The following SGK1 variants were observed in gnomAD, a reference collection of about 807,000 sequenced individuals.
SGK1 encodes the protein serine/threonine-protein kinase Sgk1.
A neutral mutation model predicts 64.2 loss-of-function variants in SGK1; 26 were observed. The ratio of observed to expected loss-of-function variants is 0.40; its 90% CI spans 0.30 to 0.56. The LOEUF is 0.56. Ranked by LOEUF, SGK1 falls within the 20% of genes least tolerant of loss-of-function variation. The pLI is 0.38. For missense variants in SGK1, 519 were observed against 645.6 expected (o/e 0.80, Z 2.12); for synonymous variants, 265 against 239.7 (o/e 1.11, Z -0.98).
At chr6:134,170,752 TC>T (rs1468490799) in intron 13 of SGK1, 73 bp downstream of exon 13, 16 of 998,290 alleles carry the variant, frequency 1.6e-5, no homozygotes, top group Non-Finnish European at 2.3e-5. Context: ...CTTCCAACCC[TC>T]CCCCAGACAA....
In SGK1 at chr6:134,262,034, A is replaced by G; in HGVS notation, c.184T>C (p.Ser62Pro). The stretch of plus-strand genomic sequence containing the variant: ...CCCAGGCATGTTTGACACAAGGAAG[A>G]CTCGAAGTCTGGCTCCCCTGGAGGG... ...HIPPGEPDFE[S>P]SLCQTCLGEH... Residue 62 changes from serine to proline, a missense_variant, in exon 2 of 14, where the codon TCT (serine) becomes CCT (proline). Around this residue, in one of 2 missense-constraint regions of SGK1, gnomAD observed 241 missense variants for 236.9 expected, o/e 1.02. Coordinates refer to ENST00000367858, the MANE Select transcript of SGK1 (RefSeq NM_001143676.3). 1 of 1,613,880 alleles carries G rather than the reference A, an allele frequency of 6.2e-7. No homozygotes were observed. Among genetic ancestry groups the G allele is most frequent in the Middle Eastern group, 1.7e-4 (1 of 6,058 alleles).
At chr6:134,302,918 C>T (rs1029242476) in intron 1 of SGK1, among the ~76,000 whole-genome samples, 23 of 151,922 alleles carry the variant, frequency 1.5e-4, no homozygotes, top group Non-Finnish European at 4.4e-5. Context: ...TCATGCCTGG[C>T]TAATTTTTAT....
chr6:134,238,660 T>C (rs974639876), intron 2 of SGK1, among the ~76,000 whole-genome samples: 6 of 152,184 alleles, frequency 3.9e-5, no homozygotes, highest in African/African-American at 1.4e-4. Flanking sequence ...TAATTAGTGC[T>C]TTTAATTAGT....
chr6:134,245,556 A>G (rs1158517358), intron 2 of SGK1, among the ~76,000 whole-genome samples: 1 of 152,238 alleles, frequency 6.6e-6, no homozygotes, highest in African/African-American at 2.4e-5. Flanking sequence ...TAGTTTAGCT[A>G]AAGAAATATG....
intron 1 of SGK1, among the ~76,000 whole-genome samples, chr6:134,278,028 C>T (rs1229010830): frequency 1.3e-5 from 2 of 152,162 alleles, no homozygotes; most frequent in South Asian, 2.1e-4. Flanking sequence ...AACTTGAAGG[C>T]GCTTATCCGT....
intron 2 of SGK1, among the ~76,000 whole-genome samples, chr6:134,253,376 T>C (rs538404374): frequency 1.8e-4 from 28 of 151,784 alleles, no homozygotes; most frequent in African/African-American, 6.5e-4. Context: ...CAAGCTATCG[T>C]CTCGCCTCTT....
At chr6:134,311,500 A>T (rs900762936) in intron 1 of SGK1, among the ~76,000 whole-genome samples, 1 of 152,050 alleles carries the variant, frequency 6.6e-6, no homozygotes, top group African/African-American at 2.4e-5. Context: ...AATACAAAAA[A>T]ATTAGCTGTG....
At chr6:134,239,504 T>C (rs1328072743) in intron 2 of SGK1, among the ~76,000 whole-genome samples, 2 of 152,236 alleles carry the variant, frequency 1.3e-5, no homozygotes, top group Non-Finnish European at 2.9e-5. Flanking sequence ...CTTCTAGGTC[T>C]CAATTCTTTA....
At chr6:134,284,841 C>A (rs1028812120) in intron 1 of SGK1, among the ~76,000 whole-genome samples, 1 of 152,140 alleles carries the variant, frequency 6.6e-6, no homozygotes, top group Non-Finnish European at 1.5e-5. Context: ...TCCAGCTACA[C>A]CCAAGTTGTG....
At chr6:134,219,865 C>T (rs1243536156) in intron 2 of SGK1, among the ~76,000 whole-genome samples, 2 of 146,378 alleles carry the variant, frequency 1.4e-5, no homozygotes, top group Non-Finnish European at 3.0e-5. Context: ...CGAGACCATC[C>T]CGGCTAAAAC....
intron 3 of SGK1, among the ~76,000 whole-genome samples, chr6:134,189,233 T>C (rs1441724385): frequency 6.6e-6 from 1 of 151,484 alleles, no homozygotes; most frequent in African/African-American, 2.4e-5. Context: ...TGTGTGCGTG[T>C]GCGTGTGCAT....
chr6:134,245,750 G>A (rs760219920), intron 2 of SGK1, among the ~76,000 whole-genome samples: 14 of 152,186 alleles, frequency 9.2e-5, no homozygotes, highest in Non-Finnish European at 1.9e-4. Context: ...CAGAACTTTG[G>A]GAGGTTGAGG....
intron 1 of SGK1, chr6:134,297,032 C>T (rs1463088896): frequency 4.5e-6 from 2 of 442,086 alleles, no homozygotes; most frequent in Non-Finnish European, 8.8e-6. Flanking sequence ...TGGACACCAG[C>T]TTCCCATTGC....
chr6:134,194,769 C>T (rs1163206107), intron 3 of SGK1, among the ~76,000 whole-genome samples: 1 of 152,054 alleles, frequency 6.6e-6, no homozygotes, highest in African/African-American at 2.4e-5. Flanking sequence ...GTGATGCGCC[C>T]GCCTCGGCCT....
At chr6:134,303,113 G>T (rs955283650) in intron 1 of SGK1, among the ~76,000 whole-genome samples, 4 of 152,012 alleles carry the variant, frequency 2.6e-5, no homozygotes, top group Non-Finnish European at 5.9e-5. Flanking sequence ...AGGCTTAGAG[G>T]CCAGGCACAG....
chr6:134,173,634 G>A (rs934665028), intron 5 of SGK1, 68 bp from the exon 6 acceptor site: 5 of 1,092,210 alleles, frequency 4.6e-6, no homozygotes, highest in Non-Finnish European at 4.0e-6. Flanking sequence ...TAACATAAAC[G>A]ATGTAGAAAA....
Position 134,206,337 on chromosome 6 carries a change from TGATATATATATATATATATATATATATA to T in SGK1, c.361+991_361+1018del, listed in dbSNP as rs1775768850. ...TCACAATCCACAAAGCTGTACCTGA[TGATATATATATATATATATATATATATA>T]TATATATATATATATATATTTTTTT... On this transcript the variant is annotated intron_variant, in intron 3 of 13. Transcript: ENST00000367858. 1.8e-5 allele frequency among the ~76,000 whole-genome samples: 2 copies of T among 111,458 alleles called. 1 individual carries two copies. The allele number at this position is 111,458 out of a possible 152,430, so 73.1% of individuals were successfully genotyped here. A position where few individuals can be genotyped will look rare whatever the true frequency, so the allele number is the denominator to read the frequency against.
At chr6:134,263,632 C>T (rs1229995543) in intron 1 of SGK1, among the ~76,000 whole-genome samples, 1 of 152,172 alleles carries the variant, frequency 6.6e-6, no homozygotes, top group Admixed American at 6.5e-5. Flanking sequence ...ACTTGTCTTG[C>T]TTGCTTGTAA....
At chr6:134,220,685 G>A (rs149055447) in intron 2 of SGK1, among the ~76,000 whole-genome samples, 15 of 152,216 alleles carry the variant, frequency 9.9e-5, no homozygotes, top group African/African-American at 3.6e-4. Flanking sequence ...ATTGGTAAAG[G>A]TTATTATTAT....
Sources: allele counts gnomAD v4.1 joint callset (sites outside exome capture counted in the v4.1 genomes callset), GRCh38; gene constraint gnomAD v4.1.1; regional missense constraint gnomAD v4.1.1; transcripts MANE v1.5; gene names NCBI Gene and HGNC (gene_info 2026-07-23, HGNC 2026-07-21).